NELL1: variants seen among roughly 807,000 people sequenced by gnomAD.
NELL1 encodes protein kinase C-binding protein NELL1.
A neutral mutation model predicts 107.4 loss-of-function variants in NELL1; 76 were observed. The observed-to-expected ratio is 0.71, with a 90% CI of 0.59 to 0.86. The LOEUF (loss-of-function observed/expected upper bound fraction) is 0.86. NELL1 is among the 40% of genes least tolerant of loss of function. The pLI, the probability that NELL1 is intolerant of heterozygous loss-of-function variation, is 0.00. For missense variants in NELL1, 1,024 were observed against 1,005.5 expected (o/e 1.02, Z -0.25); for synonymous variants, 353 against 341.2 (o/e 1.03, Z -0.38).
intron 13 of NELL1, among the ~76,000 whole-genome samples, chr11:21,212,340 A>T (rs1353727643): frequency 6.6e-6 from 1 of 152,196 alleles, no homozygotes; most frequent in East Asian, 1.9e-4. Flanking sequence ...AATTCAAATT[A>T]TTATTGCTGT....
intron 2 of NELL1, among the ~76,000 whole-genome samples, chr11:20,771,282 T>G (rs10833389): frequency 0.24 from 36,177 of 152,038 alleles, 4,647 homozygotes; most frequent in African/African-American, 0.3. Context: ...GTGTCAAATC[T>G]GTGCAGTTTC....
intron 12 of NELL1, among the ~76,000 whole-genome samples, chr11:20,971,884 A>G (rs1851507857): frequency 6.6e-6 from 1 of 152,196 alleles, no homozygotes; most frequent in Non-Finnish European, 1.5e-5. Context: ...AGGGACATGG[A>G]TGAAGCTGGA....
chr11:20,873,501 G>T (rs990519236), intron 4 of NELL1, among the ~76,000 whole-genome samples: 1 of 152,194 alleles, frequency 6.6e-6, no homozygotes, highest in Non-Finnish European at 1.5e-5. Flanking sequence ...ATAATGTTCT[G>T]TTTGTGAAAA....
At chr11:21,340,748 G>A (rs746177788) in intron 14 of NELL1, among the ~76,000 whole-genome samples, 1 of 152,008 alleles carries the variant, frequency 6.6e-6, no homozygotes, top group Admixed American at 6.6e-5. Flanking sequence ...GCTAAGGAAT[G>A]CCAAAGATTG....
intron 15 of NELL1, among the ~76,000 whole-genome samples, chr11:21,400,980 C>A (rs368256728): frequency 4.6e-5 from 7 of 151,842 alleles, no homozygotes; most frequent in Non-Finnish European, 7.4e-5. Flanking sequence ...ATTTCATACA[C>A]CAGTGATGGC....
At chr11:21,348,745 T>C (rs1850738773) in intron 14 of NELL1, among the ~76,000 whole-genome samples, 1 of 151,976 alleles carries the variant, frequency 6.6e-6, no homozygotes. Flanking sequence ...CCTGGAAAAA[T>C]CCCCATAGGA....
At chr11:20,844,316 C>T (rs1226069597) in intron 3 of NELL1, among the ~76,000 whole-genome samples, 1 of 152,114 alleles carries the variant, frequency 6.6e-6, no homozygotes, top group Non-Finnish European at 1.5e-5. Flanking sequence ...GGAAGCTTGG[C>T]TTGAAACAGA....
chr11:21,443,911 A>G (rs1853355110), intron 15 of NELL1, among the ~76,000 whole-genome samples: 1 of 152,148 alleles, frequency 6.6e-6, no homozygotes, highest in African/African-American at 2.4e-5. Context: ...TGATTATAAA[A>G]TATGCTACAG....
intron 13 of NELL1, among the ~76,000 whole-genome samples, chr11:21,135,662 T>C (rs1470335298): frequency 6.6e-6 from 1 of 152,176 alleles, no homozygotes; most frequent in Non-Finnish European, 1.5e-5. Context: ...AGCTAAGAAA[T>C]ATAAAATGCT....
At chr11:20,932,388 A>G (rs1294435022) in intron 9 of NELL1, among the ~76,000 whole-genome samples, 1 of 152,204 alleles carries the variant, frequency 6.6e-6, no homozygotes, top group Non-Finnish European at 1.5e-5. Context: ...GGAAAGGGGA[A>G]TAGTGTGTTT....
intron 15 of NELL1, among the ~76,000 whole-genome samples, chr11:21,400,977 A>T (rs995829211): frequency 1.3e-5 from 2 of 151,926 alleles, no homozygotes; most frequent in African/African-American, 4.8e-5. Context: ...CACATTTCAT[A>T]CACCAGTGAT....
intron 13 of NELL1, among the ~76,000 whole-genome samples, chr11:21,163,064 C>A (rs772003940): frequency 7.9e-5 from 12 of 152,152 alleles, no homozygotes; most frequent in South Asian, 2.1e-4. Context: ...GTTAATGACA[C>A]CGATGCCTGA....
chr11:21,366,881 T>C (rs1398130536), intron 14 of NELL1, among the ~76,000 whole-genome samples: 2 of 152,144 alleles, frequency 1.3e-5, no homozygotes, highest in African/African-American at 4.8e-5. Context: ...AAGAAGATTA[T>C]GAGAAGTGTT....
At chr11:21,224,629 T>C (rs940390040) in intron 13 of NELL1, among the ~76,000 whole-genome samples, 4 of 152,216 alleles carry the variant, frequency 2.6e-5, no homozygotes, top group African/African-American at 9.6e-5. Context: ...TATGTCCTTT[T>C]AGGCTTAATT....
chr11:21,307,196 C>T (rs1325644439), intron 14 of NELL1, among the ~76,000 whole-genome samples: 2 of 151,832 alleles, frequency 1.3e-5, no homozygotes, highest in African/African-American at 4.8e-5. Flanking sequence ...CTGTCAACAT[C>T]GACAGCTCTT....
chr11:20,694,522 G>T (rs2133871370), intron 2 of NELL1, among the ~76,000 whole-genome samples: 1 of 151,958 alleles, frequency 6.6e-6, no homozygotes, highest in South Asian at 2.1e-4. Flanking sequence ...TTGAATAGGG[G>T]GTCCTTTCCC....
At chr11:20,863,478 G>A (rs1284331234) in intron 4 of NELL1, among the ~76,000 whole-genome samples, 22 of 145,410 alleles carry the variant, frequency 1.5e-4, no homozygotes, top group Non-Finnish European at 2.6e-4. Flanking sequence ...CGGGGCGGCC[G>A]GGCAGAGACG....
intron 12 of NELL1, among the ~76,000 whole-genome samples, chr11:21,111,778 A>G (rs114548694): frequency 1.9e-4 from 29 of 152,196 alleles, no homozygotes; most frequent in African/African-American, 7.0e-4. Flanking sequence ...GGGAAATACA[A>G]TTGTGCTATG....
intron 13 of NELL1, among the ~76,000 whole-genome samples, chr11:21,155,664 G>T (rs1856215476): frequency 6.6e-6 from 1 of 152,138 alleles, no homozygotes. Flanking sequence ...CCAAGAAAAT[G>T]CTGGGGAGAG....
Sources: gnomAD v4.1 joint callset for allele counts (sites outside exome capture counted in the v4.1 genomes callset) on GRCh38, gnomAD v4.1.1 for gene constraint, MANE v1.5 for transcripts, NCBI Gene and HGNC (gene_info 2026-07-23, HGNC 2026-07-21) for gene names.